Variants in SF3B2 observed in about 807,000 individuals in gnomAD.
SF3B2 encodes splicing factor 3b subunit 2.
Under a neutral mutation model 116.3 loss-of-function variants are expected in SF3B2, and 22 were observed. That is an observed-to-expected ratio of 0.19 (90% CI 0.14 to 0.27). The LOEUF (loss-of-function observed/expected upper bound fraction) is 0.27. Ranked by LOEUF, SF3B2 falls within the 10% of genes least tolerant of loss-of-function variation. The pLI, the probability that SF3B2 is intolerant of heterozygous loss-of-function variation, is 1.00. For missense variants in SF3B2, 767 were observed against 1,151.4 expected (o/e 0.67, Z 4.83); for synonymous variants, 406 against 421.6 (o/e 0.96, Z 0.45).
rs1161768172 is a variant in SF3B2, at chr11:66,068,051, T to C, written c.2430+6T>C. On this transcript the variant is annotated splice_donor_region_variant and intron_variant, in intron 20 of 21. Transcript: ENST00000322535. ...ACATTTATGACATGTCCACGGTGAG[T>C]ACTTGGAGGATACTGCTTTTGGAGG... 6.8e-6 allele frequency: 11 copies of C among 1,613,248 alleles called. No individual in the cohort carries two copies. In the African/African-American group the frequency reaches 9.3e-5, roughly 14 times the overall value.
Position 66,061,671 on chromosome 11 carries a change from CT to C in SF3B2, c.1780-14del. 1 of 1,603,866 alleles carries C rather than the reference CT, an allele frequency of 6.2e-7. No homozygotes were observed. On this transcript the variant is annotated splice_polypyrimidine_tract_variant and intron_variant, in intron 14 of 21. Coordinates refer to ENST00000322535, the MANE Select transcript of SF3B2 (RefSeq NM_006842.3). ...GTCTGGGTCTACAATGTAGCATGCTCTGCTTTTCCCTCAGGGGAAGGAGTTC... is the reference window on the plus strand; with the variant it reads ...GTCTGGGTCTACAATGTAGCATGCTCGCTTTTCCCTCAGGGGAAGGAGTTC...
chr11:66,053,977 A>T (rs1856944810), intron 3 of SF3B2: 1 of 147,360 alleles, frequency 6.8e-6, no homozygotes, highest in African/African-American at 2.5e-5. Context: ...TGCGGTCAGG[A>T]GTTTGAAACT....
In SF3B2 at chr11:66,060,015, G is replaced by C. The variant is rs2135047950; in HGVS notation, c.1629+6G>C. On this transcript the variant is annotated splice_donor_region_variant and intron_variant, in intron 13 of 21. Coordinates refer to ENST00000322535, the MANE Select transcript of SF3B2 (RefSeq NM_006842.3). ...GAGAGGCCCTGCAGGAGAAGGTGAG[G>C]GCCTGGCAGGGCTCAGACCTGCCCC... 5 of 1,612,502 alleles carry C rather than the reference G, an allele frequency of 3.1e-6. No individual in the cohort carries two copies. Among genetic ancestry groups the C allele is most frequent in the Middle Eastern group, 1.7e-4 (1 of 6,038 alleles).
At chr11:66,053,274 C>T (rs1042700285) in intron 3 of SF3B2, 170 bp downstream of exon 3, 1 of 665,268 alleles carries the variant, frequency 1.5e-6, no homozygotes, top group South Asian at 1.7e-5. Flanking sequence ...GTAGCCCTTC[C>T]TCTCACTTGC....
intron 2 of SF3B2, 44 bp downstream of exon 2, chr11:66,052,763 A>G (rs200818609): frequency 4.6e-6 from 7 of 1,531,456 alleles, no homozygotes; most frequent in East Asian, 2.3e-5. Flanking sequence ...GAGCTTCTCC[A>G]GGAGACCTTA....
chr11:66,060,552 T>C, intron 13 of SF3B2, 30 bp from the exon 14 acceptor site: 1 of 1,613,502 alleles, frequency 6.2e-7, no homozygotes, highest in East Asian at 2.2e-5. Context: ...TGAGTACTTG[T>C]TAAGGCTTGT....
At chr11:66,057,124 A>G in intron 6 of SF3B2, 142 bp from the exon 7 acceptor site, 1 of 853,340 alleles carries the variant, frequency 1.2e-6, no homozygotes. Flanking sequence ...ACCATGATCC[A>G]AAACATTACC....
Position 66,068,350 on chromosome 11 carries a change from G to C in SF3B2, c.2616+17G>C. On this transcript the variant is annotated intron_variant, in intron 21 of 21. Coordinates refer to ENST00000322535, the MANE Select transcript of SF3B2 (RefSeq NM_006842.3). ...AAACAGAAGGTAGGCGCTTCCAGGG[G>C]CGCTGGGCTGGGTGAGAGCCAGGGA... 1.3e-6 allele frequency: 2 copies of C among 1,581,726 alleles called. No homozygotes were observed. The highest frequency in any genetic ancestry group is 1.7e-6 in the Non-Finnish European group (2 of 1,165,660).
chr11:66,060,522 G>T (rs1590713913), intron 13 of SF3B2, 60 bp from the exon 14 acceptor site: 5 of 1,594,150 alleles, frequency 3.1e-6, no homozygotes, highest in East Asian at 4.5e-5. Flanking sequence ...TTGGGAGCTG[G>T]ATTCTCTACA....
chr11:66,064,210 C>T (rs1857142424), intron 19 of SF3B2, among the ~76,000 whole-genome samples: 1 of 152,188 alleles, frequency 6.6e-6, no homozygotes, highest in Non-Finnish European at 1.5e-5. Flanking sequence ...TCTCTTTATC[C>T]ATTCTGCTCT....
At chr11:66,067,688 T>G in intron 19 of SF3B2, 2 of 507,478 alleles carry the variant, frequency 3.9e-6, no homozygotes, top group East Asian at 3.9e-5. Flanking sequence ...CTTATGTGCA[T>G]GTGGGAGTCC....
chr11:66,065,704 A>G (rs1040911107), intron 19 of SF3B2: 5 of 152,094 alleles, frequency 3.3e-5, no homozygotes, highest in South Asian at 2.1e-4. Flanking sequence ...TTCTATTGCT[A>G]TATGTTCAAG....
rs1274551922 is a variant in SF3B2, at chr11:66,069,269, G to A, written c.*524G>A. Reference sequence around the variant, plus strand: ...TGACCAGAAGTTCAAGTCCTTACCTGTGCGACAACATAGCTCAAAAGCTAA... The same window carrying A: ...TGACCAGAAGTTCAAGTCCTTACCTATGCGACAACATAGCTCAAAAGCTAA... On this transcript the variant is annotated 3_prime_UTR_variant, in exon 22 of 22. Coordinates refer to ENST00000322535, the MANE Select transcript of SF3B2 (RefSeq NM_006842.3). 1 of 416,448 alleles carries A rather than the reference G, an allele frequency of 2.4e-6. No homozygotes were observed. Among genetic ancestry groups the A allele is most frequent in the Admixed American group, 2.4e-5 (1 of 40,970 alleles). 25.8% of individuals were successfully genotyped at this position (416,448 alleles called of 1,614,324 possible).
intron 19 of SF3B2, chr11:66,067,431 A>C: frequency 2.2e-6 from 1 of 456,220 alleles, no homozygotes; most frequent in South Asian, 1.5e-5. Context: ...GGAGAGGTGG[A>C]GATGATGGGC....
rs769085232 is a variant in SF3B2 at position 66,063,562 on chromosome 11, C to G, written c.2228+20C>G. On this transcript the variant is annotated intron_variant, in intron 18 of 21. Coordinates refer to ENST00000322535, the MANE Select transcript of SF3B2 (RefSeq NM_006842.3). ...AGACAGGTGGGGGAAGCAGAGAATG[C>G]CTCTTGGAAGTGGGCTATCTTTGGG... 1 of 1,611,572 alleles carries G rather than the reference C, an allele frequency of 6.2e-7. No homozygotes were observed. The highest frequency in any genetic ancestry group is 1.7e-5 in the Admixed American group (1 of 59,716).
At chr11:66,067,687 A>T in intron 19 of SF3B2, 1 of 510,054 alleles carries the variant, frequency 2.0e-6, no homozygotes, top group South Asian at 1.9e-5. Flanking sequence ...CCTTATGTGC[A>T]TGTGGGAGTC....
Position 66,059,075 on chromosome 11 carries a change from G to T in SF3B2, c.1182+30G>T. On this transcript the variant is annotated intron_variant, in intron 10 of 21. Transcript: ENST00000322535. This position sits in a 1 kb window ranked among gnomAD's most constrained non-coding sequence, Gnocchi z 5.0. ...AAGGAGAGCACACTAGGAAGGGGCA[G>T]TGCCAAACAGGGAAGGGGCTCAGAG... 1 of 1,609,892 alleles carries T rather than the reference G, an allele frequency of 6.2e-7. No individual in the cohort carries two copies. The highest frequency in any genetic ancestry group is 8.5e-7 in the Non-Finnish European group (1 of 1,176,512).
chr11:66,061,345 GA>G (rs758177074), intron 14 of SF3B2, among the ~76,000 whole-genome samples: 9 of 152,204 alleles, frequency 5.9e-5, no homozygotes, highest in African/African-American at 9.6e-5. Context: ...GAGTGGTAGA[GA>G]AATTGCTGGT....
At chr11:66,062,476 TAAAAAAA>T (rs777175434) in intron 16 of SF3B2, among the ~76,000 whole-genome samples, 23 of 138,236 alleles carry the variant, frequency 1.7e-4, no homozygotes, top group South Asian at 4.5e-4. Flanking sequence ...ACCTCTACTT[TAAAAAAA>T]AAAAAAAAGA....
Sources: allele counts gnomAD v4.1 joint callset (sites outside exome capture counted in the v4.1 genomes callset), GRCh38; gene constraint gnomAD v4.1.1; non-coding constraint Gnocchi (gnomAD v3.1); transcripts MANE v1.5; gene names NCBI Gene and HGNC (gene_info 2026-07-23, HGNC 2026-07-21).